The following SPATC1 variants were observed in gnomAD, a reference collection of about 807,000 sequenced individuals.
The protein encoded by SPATC1 is speriolin.
SPATC1 carries 35 observed loss-of-function variants against 36.5 expected under a neutral mutation model. The observed-to-expected ratio is 0.96, with a 90% CI of 0.73 to 1.27. The LOEUF is 1.27. Ranked by LOEUF, SPATC1 falls within the 50% of genes most tolerant of loss-of-function variation. SPATC1 has a pLI of 0.00. For synonymous variants in SPATC1, 361 were observed against 353.6 expected, an observed-to-expected ratio of 1.02 and a Z score of -0.24; for missense variants, 779 against 796.0, an observed-to-expected ratio of 0.98 and a Z score of 0.26.
upstream of SPATC1, among the ~76,000 whole-genome samples, chr8:144,011,931 G>T (rs1476406259): frequency 1.3e-5 from 2 of 152,160 alleles, no homozygotes; most frequent in Non-Finnish European, 2.9e-5. The surrounding 1 kb of genome is among the most constrained non-coding windows in gnomAD (Gnocchi z 4.5). Context: ...AGGCTGAGAG[G>T]CCAAACCCAG....
chr8:144,012,445 G>A lies in SPATC1; in HGVS notation c.-71G>A. 7.2e-7 allele frequency: 1 copy of A among 1,394,106 alleles called. No individual in the cohort carries two copies. Among genetic ancestry groups the A allele is most frequent in the Admixed American group, 2.0e-5 (1 of 50,244 alleles). 86.4% of individuals were successfully genotyped at this position (1,394,106 alleles called of 1,614,324 possible). On this transcript the variant is annotated 5_prime_UTR_variant, in exon 1 of 5. Transcript: ENST00000377470. ...TGCACCCTCCTTCAGCCCAGGCAAG[G>A]CCTGGGGCCCTGGGCAGCCTCCAGG...
chr8:144,026,809 CTTTTTT>C (rs1230432833), intron 1 of SPATC1, among the ~76,000 whole-genome samples: 1 of 131,946 alleles, frequency 7.6e-6, no homozygotes, highest in Non-Finnish European at 1.6e-5. Flanking sequence ...CTTTCTTTTT[CTTTTTT>C]TTTTTTTTTT....
intron 4 of SPATC1, among the ~76,000 whole-genome samples, chr8:144,041,784 G>A (rs1383692187): frequency 6.6e-6 from 1 of 152,128 alleles, no homozygotes; most frequent in African/African-American, 2.4e-5. Flanking sequence ...TTACCACTTG[G>A]GCTTCTCTTG....
At position 144,016,210 on chromosome 8, in the gene SPATC1, T is replaced by C. The variant is rs1834389655; in HGVS notation, c.211+3484T>C. Among the ~76,000 whole-genome samples, 2 of 152,066 alleles carry C rather than the reference T, an allele frequency of 1.3e-5. No homozygotes were observed. Among genetic ancestry groups the C allele is most frequent in the African/African-American group, 4.8e-5 (2 of 41,392 alleles). ...GGCAGAGGTTGCAGTGAGCCTAGACTACGCCATTGCACTCCAGCCTGAGCA... is the reference window on the plus strand; with the variant it reads ...GGCAGAGGTTGCAGTGAGCCTAGACCACGCCATTGCACTCCAGCCTGAGCA... On this transcript the variant is annotated intron_variant, in intron 1 of 4. Coordinates refer to ENST00000377470, the MANE Select transcript of SPATC1 (RefSeq NM_198572.3). The surrounding 1 kb of genome is among the most constrained non-coding windows in gnomAD (Gnocchi z 4.5).
upstream of SPATC1, among the ~76,000 whole-genome samples, chr8:144,011,174 C>G (rs1379341567): frequency 6.6e-6 from 1 of 152,096 alleles, no homozygotes; most frequent in Non-Finnish European, 1.5e-5. This position sits in a 1 kb window ranked among gnomAD's most constrained non-coding sequence, Gnocchi z 4.5. Context: ...ACTGCATCAA[C>G]CCAAGAGGCT....
intron 1 of SPATC1, among the ~76,000 whole-genome samples, chr8:144,021,432 C>G (rs1834532604): frequency 7.7e-6 from 1 of 129,902 alleles, no homozygotes; most frequent in Non-Finnish European, 1.7e-5. Context: ...CCTTAGAACC[C>G]TCTCCCCTCA....
Position 144,041,388 on chromosome 8 carries a change from C to A in SPATC1, c.1446+17C>A. ...ATCATCCAGGTGTGCGGCCAGGGGTCCTGCAGGGACAGGGGGCAGGTTGGC... is the reference window on the plus strand; with the variant it reads ...ATCATCCAGGTGTGCGGCCAGGGGTACTGCAGGGACAGGGGGCAGGTTGGC... On this transcript the variant is annotated intron_variant, in intron 4 of 4. Transcript: ENST00000377470. The A allele has an allele frequency of 6.2e-7, 1 of 1,603,486 alleles. No individual in the cohort carries two copies. Among genetic ancestry groups the A allele is most frequent in the South Asian group, 1.1e-5 (1 of 91,046 alleles).
chr8:144,019,290 C>T (rs1025971272), intron 1 of SPATC1, among the ~76,000 whole-genome samples: 6,778 of 152,216 alleles, frequency 0.045, 488 homozygotes, highest in African/African-American at 0.15. Flanking sequence ...GCTGAGAGCG[C>T]AGCCAAAACC....
intron 1 of SPATC1, among the ~76,000 whole-genome samples, chr8:144,029,025 G>A (rs900486675): frequency 8.2e-4 from 125 of 151,900 alleles, no homozygotes; most frequent in African/African-American, 2.9e-3. Context: ...ACACAGGGAG[G>A]AGAGCAACAC....
At position 144,012,353 on chromosome 8, in the gene SPATC1, G is replaced by T. The variant is rs1554752567; in HGVS notation, c.-163G>T. ...AGCTGAGGGTGTTAGAGCAGAGAGG[G>T]CAAGGAAGAGGGCACAGCCTCTGAC... On this transcript the variant is annotated 5_prime_UTR_variant, in exon 1 of 5. Coordinates refer to ENST00000377470, the MANE Select transcript of SPATC1 (RefSeq NM_198572.3). The T allele has an allele frequency of 3.2e-6, 2 of 628,816 alleles. No homozygotes were observed. 39.0% of individuals were successfully genotyped at this position (628,816 alleles called of 1,614,324 possible). A position where few individuals can be genotyped will look rare whatever the true frequency, so the allele number is the denominator to read the frequency against.
At chr8:144,014,818 C>T (rs781820979) in intron 1 of SPATC1, among the ~76,000 whole-genome samples, 6 of 152,148 alleles carry the variant, frequency 3.9e-5, no homozygotes, top group Admixed American at 6.5e-5. Context: ...CGTGGGTGAA[C>T]GTGTGTGAAT....
chr8:144,025,874 T>G (rs1162289880), intron 1 of SPATC1, among the ~76,000 whole-genome samples: 2 of 152,210 alleles, frequency 1.3e-5, no homozygotes, highest in African/African-American at 2.4e-5. Flanking sequence ...GTGCCTTTTC[T>G]GCCACAATAA....
chr8:144,031,672 C>A (rs1196345438), intron 1 of SPATC1, among the ~76,000 whole-genome samples: 1 of 150,502 alleles, frequency 6.6e-6, no homozygotes, highest in Non-Finnish European at 1.5e-5. Flanking sequence ...AGAAAATTTT[C>A]AGACATTATT....
chr8:144,011,373 C>A (rs1554752499), upstream of SPATC1, among the ~76,000 whole-genome samples: 1 of 152,036 alleles, frequency 6.6e-6, no homozygotes, highest in African/African-American at 2.4e-5. The surrounding 1 kb of genome is among the most constrained non-coding windows in gnomAD (Gnocchi z 4.5). Flanking sequence ...TGGGGGTAGG[C>A]CCCCCATTGT....
At chr8:144,012,009 A>C (rs139766066), upstream of SPATC1, among the ~76,000 whole-genome samples, 3 of 152,282 alleles carry the variant, frequency 2.0e-5, no homozygotes, top group East Asian at 5.8e-4. Flanking sequence ...TTCATTCAAC[A>C]AATATTTACT....
At position 144,046,818 on chromosome 8, in the gene SPATC1, C is replaced by G; in HGVS notation, c.1638C>G (p.Gly546=). The G allele has an allele frequency of 6.2e-7, 1 of 1,604,804 alleles. No homozygotes were observed. The highest frequency in any genetic ancestry group is 8.5e-7 in the Non-Finnish European group (1 of 1,179,904). The change falls in exon 5 of 5, where the codon GGC becomes GGG. Residue 546 remains glycine, a synonymous_variant. Transcript: ENST00000377470. This position sits in a 1 kb window ranked among gnomAD's most constrained non-coding sequence, Gnocchi z 6.6. ...RERPELAASE[G]GPYTVDFLQR... is the part of the protein sequence containing the mutation. ...GCCCGGAGCTGGCGGCGTCTGAGGG[C>G]GGCCCCTACACCGTGGACTTCCTGC... is the stretch of plus-strand genomic sequence containing the variant.
chr8:144,038,396 G>A lies in SPATC1; in HGVS notation c.212-1513G>A, dbSNP rs372580772. 9.8e-4 allele frequency among the ~76,000 whole-genome samples: 144 copies of A among 147,334 alleles called. 6 individuals are homozygous for A. In the South Asian group the frequency reaches 0.032, roughly 33 times the overall value. ...TGCAGTGAGCCGAGATTGTGCCACT[G>A]CACTCCAGCCTGGGCAACAGAGCGA... On this transcript the variant is annotated intron_variant, in intron 1 of 4. Coordinates refer to ENST00000377470, the MANE Select transcript of SPATC1 (RefSeq NM_198572.3).
intron 1 of SPATC1, among the ~76,000 whole-genome samples, chr8:144,034,655 C>T (rs1834863140): frequency 6.6e-6 from 1 of 151,922 alleles, no homozygotes; most frequent in Admixed American, 6.6e-5. Flanking sequence ...CGGAGCCTCA[C>T]TCTGTCACCA....
Position 144,046,488 on chromosome 8 carries a change from T to C in SPATC1, c.1447-139T>C. ...GTTCCCCTGTCCTAGATTCTTGAGG[T>C]CTGTCGCAGAACCTCCCCACCGCAC... On this transcript the variant is annotated intron_variant, in intron 4 of 4. Coordinates refer to ENST00000377470, the MANE Select transcript of SPATC1 (RefSeq NM_198572.3). The surrounding 1 kb of genome is among the most constrained non-coding windows in gnomAD (Gnocchi z 6.6). 1.3e-6 allele frequency: 1 copy of C among 756,984 alleles called. No individual in the cohort carries two copies. Among genetic ancestry groups the C allele is most frequent in the South Asian group, 1.8e-5 (1 of 55,182 alleles). The allele number at this position is 756,984 out of a possible 1,614,324, so 46.9% of individuals were successfully genotyped here. A position where few individuals can be genotyped will look rare whatever the true frequency, so the allele number is the denominator to read the frequency against.
Sources: allele counts gnomAD v4.1 joint callset (sites outside exome capture counted in the v4.1 genomes callset), GRCh38; gene constraint gnomAD v4.1.1; non-coding constraint Gnocchi (gnomAD v3.1); transcripts MANE v1.5; gene names NCBI Gene and HGNC (gene_info 2026-07-23, HGNC 2026-07-21).